The following GRIK2 variants were observed in gnomAD, a reference collection of about 807,000 sequenced individuals.
GRIK2 encodes glutamate ionotropic receptor kainate type subunit 2.
GRIK2 carries 32 observed loss-of-function variants against 100.3 expected under a neutral mutation model. The observed-to-expected ratio is 0.32, with a 90% confidence interval of 0.24 to 0.43. The LOEUF is 0.43. Ranked by LOEUF, GRIK2 falls within the 20% of genes least tolerant of loss-of-function variation. The probability of loss-of-function intolerance (pLI) is 1.00; values close to 1 mark genes in which losing one functional copy is unlikely to be tolerated. For synonymous variants in GRIK2, 417 were observed against 389.4 expected, an observed-to-expected ratio of 1.07 and a Z score of -0.83; for missense variants, 843 against 1,114.9, an observed-to-expected ratio of 0.76 and a Z score of 3.47.
At chr6:101,879,407 T>C (rs1786089193) in intron 11 of GRIK2, among the ~76,000 whole-genome samples, 1 of 151,992 alleles carries the variant, frequency 6.6e-6, no homozygotes. Context: ...CTGATCACAA[T>C]TACATATGCA....
At chr6:101,816,723 TA>T (rs1781654988) in intron 9 of GRIK2, among the ~76,000 whole-genome samples, 1 of 152,000 alleles carries the variant, frequency 6.6e-6, no homozygotes. Context: ...AATTAATTTT[TA>T]AAAAATTAAA....
intron 11 of GRIK2, among the ~76,000 whole-genome samples, chr6:101,878,626 C>T (rs1280083084): frequency 6.6e-6 from 1 of 151,990 alleles, no homozygotes; most frequent in Non-Finnish European, 1.5e-5. Flanking sequence ...TTCCAGAACA[C>T]ATTGAGCTCT....
intron 4 of GRIK2, among the ~76,000 whole-genome samples, chr6:101,629,166 A>G (rs909146576): frequency 6.6e-6 from 1 of 152,104 alleles, no homozygotes; most frequent in African/African-American, 2.4e-5. Context: ...TAAAATGCTT[A>G]CTATTTAGTT....
intron 7 of GRIK2, among the ~76,000 whole-genome samples, chr6:101,756,897 C>A (rs1480379932): frequency 1.3e-5 from 2 of 152,096 alleles, no homozygotes; most frequent in Non-Finnish European, 2.9e-5. Context: ...ATTGCACTTA[C>A]TAAGAATTAA....
intron 5 of GRIK2, among the ~76,000 whole-genome samples, chr6:101,678,216 C>T (rs1271685976): frequency 6.6e-6 from 1 of 152,100 alleles, no homozygotes; most frequent in Non-Finnish European, 1.5e-5. Context: ...AACTAACTCT[C>T]ACTATTTTGC....
intron 4 of GRIK2, among the ~76,000 whole-genome samples, chr6:101,645,110 C>A (rs909248681): frequency 1.1e-4 from 17 of 148,716 alleles, no homozygotes; most frequent in Non-Finnish European, 2.2e-4. Context: ...CCTGACTGTA[C>A]AACAAGTAAG....
rs192018433 is a variant in GRIK2 at position 101,441,440 on chromosome 6, G to A, written c.115+42048G>A. 5.9e-5 allele frequency among the ~76,000 whole-genome samples: 9 copies of A among 152,274 alleles called. No individual in the cohort carries two copies. The East Asian group carries it at 1.5e-3, about 26-fold the overall frequency. On this transcript the variant is annotated intron_variant, in intron 2 of 16. Transcript: ENST00000369134. ...ATCTCAAGTTGTTTTTCATGCATATGGTGAGAGAACAAGTTTTTTGTTTTT... is the reference window on the plus strand; with the variant it reads ...ATCTCAAGTTGTTTTTCATGCATATAGTGAGAGAACAAGTTTTTTGTTTTT...
chr6:102,054,564 T>C (rs966048646), intron 15 of GRIK2, among the ~76,000 whole-genome samples: 14 of 152,136 alleles, frequency 9.2e-5, no homozygotes, highest in African/African-American at 3.4e-4. Context: ...ACTTATCATG[T>C]AATATCTAAT....
intron 14 of GRIK2, among the ~76,000 whole-genome samples, chr6:102,032,455 CAGA>C (rs1770051249): frequency 6.6e-6 from 1 of 151,116 alleles, no homozygotes; most frequent in Non-Finnish European, 1.5e-5. Context: ...GCCTGGAGGT[CAGA>C]AGGAGCCTGC....
At chr6:101,628,502 A>T (rs1780564371) in intron 4 of GRIK2, among the ~76,000 whole-genome samples, 2 of 152,070 alleles carry the variant, frequency 1.3e-5, no homozygotes, top group African/African-American at 4.8e-5. Context: ...CTAAATCATT[A>T]CTTCTTTGTC....
intron 7 of GRIK2, among the ~76,000 whole-genome samples, chr6:101,742,147 T>A (rs1343961890): frequency 6.6e-6 from 1 of 152,204 alleles, no homozygotes; most frequent in Non-Finnish European, 1.5e-5. Flanking sequence ...AAAGCAAATG[T>A]ATATCTTTTT....
intron 9 of GRIK2, among the ~76,000 whole-genome samples, chr6:101,803,139 T>A (rs1780776322): frequency 6.6e-6 from 1 of 151,904 alleles, no homozygotes; most frequent in Non-Finnish European, 1.5e-5. Flanking sequence ...TCTTATTAGA[T>A]CTTATTAAAA....
intron 2 of GRIK2, among the ~76,000 whole-genome samples, chr6:101,621,154 T>C (rs555225577): frequency 6.6e-6 from 1 of 152,238 alleles, no homozygotes; most frequent in African/African-American, 2.4e-5. Flanking sequence ...TGCAAATAAT[T>C]TGGGCTTTTA....
chr6:101,668,290 C>T (rs1770178893), intron 4 of GRIK2, among the ~76,000 whole-genome samples: 1 of 152,128 alleles, frequency 6.6e-6, no homozygotes, highest in Non-Finnish European at 1.5e-5. Context: ...CATCACCACC[C>T]ACCTCCAGAA....
At chr6:101,887,140 T>C (rs1440595879) in intron 11 of GRIK2, among the ~76,000 whole-genome samples, 1 of 152,074 alleles carries the variant, frequency 6.6e-6, no homozygotes, top group Non-Finnish European at 1.5e-5. Flanking sequence ...TTCTCTCTAC[T>C]TCTATGAAAT....
intron 15 of GRIK2, among the ~76,000 whole-genome samples, chr6:102,041,008 A>G (rs1407156288): frequency 6.6e-6 from 1 of 151,606 alleles, no homozygotes; most frequent in Non-Finnish European, 1.5e-5. Flanking sequence ...GACTGAATTA[A>G]CAAATAAACT....
intron 2 of GRIK2, among the ~76,000 whole-genome samples, chr6:101,429,032 C>T (rs983183433): frequency 1.3e-5 from 2 of 152,172 alleles, no homozygotes; most frequent in African/African-American, 4.8e-5. Context: ...CTGACATTTG[C>T]ACCTCAACCT....
chr6:101,690,421 A>T (rs564596820), intron 7 of GRIK2, among the ~76,000 whole-genome samples: 1 of 152,096 alleles, frequency 6.6e-6, no homozygotes, highest in Admixed American at 6.6e-5. Flanking sequence ...AGCACTGTCA[A>T]TTTTACTGTA....
intron 14 of GRIK2, among the ~76,000 whole-genome samples, chr6:102,007,979 G>A (rs557632493): frequency 1.2e-4 from 18 of 152,066 alleles, no homozygotes; most frequent in African/African-American, 4.3e-4. Flanking sequence ...CCAAGGTGAA[G>A]TTGATAAGAA....
Sources: allele counts gnomAD v4.1 joint callset (sites outside exome capture counted in the v4.1 genomes callset), GRCh38; gene constraint gnomAD v4.1.1; transcripts MANE v1.5; gene names NCBI Gene and HGNC (gene_info 2026-07-23, HGNC 2026-07-21).